Variants in RBM20 observed in about 807,000 individuals in gnomAD.
The protein encoded by RBM20 is RNA binding motif protein 20.
In RBM20, 51 loss-of-function variants were observed where a neutral mutation model predicts 110.1. The ratio of observed to expected loss-of-function variants is 0.46; its 90% CI spans 0.37 to 0.59. RBM20 has a LOEUF of 0.59. Ranked by LOEUF, RBM20 falls within the 20% of genes least tolerant of loss-of-function variation. RBM20 has a pLI of 0.00. For missense variants in RBM20, 1,512 were observed against 1,574.9 expected, an observed-to-expected ratio of 0.96 and a Z score of 0.68; for synonymous variants, 589 against 618.2, an observed-to-expected ratio of 0.95 and a Z score of 0.70.
intron 1 of RBM20, among the ~76,000 whole-genome samples, chr10:110,744,683 C>A (rs779327710): frequency 6.6e-6 from 1 of 152,160 alleles, no homozygotes; most frequent in Non-Finnish European, 1.5e-5. Context: ...TGTGAAAGAG[C>A]CAGTCCCTAT....
rs141790272 is a variant in RBM20 at position 110,704,260 on chromosome 10, A to G, written c.191+59615A>G. ...TCCTTGCTGAATAGTATTCCAGGGTATATATGTACCACAGTTTGTTTAACC... is the reference window on the plus strand; with the variant it reads ...TCCTTGCTGAATAGTATTCCAGGGTGTATATGTACCACAGTTTGTTTAACC... On this transcript the variant is annotated intron_variant, in intron 1 of 13. Coordinates refer to ENST00000369519, the MANE Select transcript of RBM20 (RefSeq NM_001134363.3). 1.8e-3 allele frequency among the ~76,000 whole-genome samples: 269 copies of G among 152,352 alleles called. 1 individual carries two copies. Among genetic ancestry groups the G allele is most frequent in the African/African-American group, 6.0e-3 (249 of 41,584 alleles).
rs989671499 is a variant in RBM20, at chr10:110,750,858, G to A, written c.192-29943G>A. Among the ~76,000 whole-genome samples, 7 of 152,310 alleles carry A rather than the reference G, an allele frequency of 4.6e-5. No individual in the cohort carries two copies. In the South Asian group the frequency reaches 1.0e-3, roughly 23 times the overall value. On this transcript the variant is annotated intron_variant, in intron 1 of 13. Coordinates refer to ENST00000369519, the MANE Select transcript of RBM20 (RefSeq NM_001134363.3). ...TGGTGGGGTGATGAAGGAAGGGTGC[G>A]ATGGGTCTCTAAGGAGGTACCAGTG...
intron 3 of RBM20, among the ~76,000 whole-genome samples, chr10:110,783,697 C>G (rs907709317): frequency 8.5e-5 from 13 of 152,214 alleles, no homozygotes; most frequent in Admixed American, 8.5e-4. Context: ...GCGTGTGCCT[C>G]CCTTTTCTGG....
chr10:110,659,620 G>A (rs970506689), intron 1 of RBM20, among the ~76,000 whole-genome samples: 1 of 152,142 alleles, frequency 6.6e-6, no homozygotes, highest in African/African-American at 2.4e-5. Context: ...AAACCTGCTT[G>A]CATCAATGCT....
At chr10:110,656,777 T>G (rs1301836902) in intron 1 of RBM20, among the ~76,000 whole-genome samples, 2 of 152,232 alleles carry the variant, frequency 1.3e-5, no homozygotes, top group Admixed American at 1.3e-4. Context: ...TCAAGGTTCA[T>G]CCATACTGTG....
At chr10:110,687,630 C>T (rs979116919) in intron 1 of RBM20, among the ~76,000 whole-genome samples, 4 of 152,178 alleles carry the variant, frequency 2.6e-5, no homozygotes, top group Non-Finnish European at 4.4e-5. Flanking sequence ...CGTGATTTTG[C>T]GTAACAAACC....
intron 1 of RBM20, among the ~76,000 whole-genome samples, chr10:110,735,953 T>A (rs7913293): frequency 0.15 from 22,152 of 152,076 alleles, 2,144 homozygotes; most frequent in East Asian, 0.27. Flanking sequence ...GCTTTGAAGA[T>A]ATGGTATCTC....
At chr10:110,751,268 C>G (rs1843850105) in intron 1 of RBM20, among the ~76,000 whole-genome samples, 1 of 152,198 alleles carries the variant, frequency 6.6e-6, no homozygotes, top group Non-Finnish European at 1.5e-5. Context: ...AAGGCCTTCT[C>G]TAAGGGCCCC....
intron 1 of RBM20, among the ~76,000 whole-genome samples, chr10:110,767,122 C>G (rs1253739275): frequency 3.4e-5 from 4 of 117,568 alleles, no homozygotes; most frequent in Admixed American, 8.1e-5. Flanking sequence ...GCTGACCCCC[C>G]CCACCTCCCT....
chr10:110,669,472 A>G (rs1239324903), intron 1 of RBM20, among the ~76,000 whole-genome samples: 3 of 152,244 alleles, frequency 2.0e-5, no homozygotes, highest in African/African-American at 7.2e-5. Context: ...CTCCCATTCA[A>G]AAACCACTTA....
chr10:110,688,710 TG>T (rs1256982614), intron 1 of RBM20, among the ~76,000 whole-genome samples: 1 of 152,196 alleles, frequency 6.6e-6, no homozygotes, highest in African/African-American at 2.4e-5. Context: ...CTTCCCCTAA[TG>T]TCAATACCTT....
At chr10:110,740,623 G>A (rs77677243) in intron 1 of RBM20, among the ~76,000 whole-genome samples, 2,130 of 152,234 alleles carry the variant, frequency 0.014, 53 homozygotes, top group African/African-American at 0.049. Context: ...TGGTAGGGGT[G>A]GGGAAAGCAA....
At chr10:110,719,464 C>G (rs1441671718) in intron 1 of RBM20, among the ~76,000 whole-genome samples, 1 of 152,162 alleles carries the variant, frequency 6.6e-6, no homozygotes, top group Admixed American at 6.5e-5. Context: ...GTCTCACTGC[C>G]ATGCTATTGA....
chr10:110,803,893 G>A (rs1844663172), intron 7 of RBM20, among the ~76,000 whole-genome samples: 1 of 150,440 alleles, frequency 6.6e-6, no homozygotes, highest in Admixed American at 6.6e-5. Flanking sequence ...GGCTGCAGGT[G>A]CGGCTGGATT....
At chr10:110,674,506 G>A (rs1165359617) in intron 1 of RBM20, among the ~76,000 whole-genome samples, 1 of 152,184 alleles carries the variant, frequency 6.6e-6, no homozygotes, top group African/African-American at 2.4e-5. Context: ...TACATAACCT[G>A]TAGCTGCACA....
intron 1 of RBM20, among the ~76,000 whole-genome samples, chr10:110,711,373 G>A (rs1209778838): frequency 1.3e-5 from 2 of 151,218 alleles, no homozygotes; most frequent in Non-Finnish European, 2.9e-5. Flanking sequence ...CAGGAGAGGG[G>A]AGGTGTGGGA....
intron 1 of RBM20, among the ~76,000 whole-genome samples, chr10:110,656,499 A>G (rs1450066507): frequency 6.6e-6 from 1 of 151,846 alleles, no homozygotes; most frequent in East Asian, 1.9e-4. Context: ...TTCTTTCACT[A>G]TTTTAAAGTG....
At chr10:110,768,248 A>T (rs1844137203) in intron 1 of RBM20, among the ~76,000 whole-genome samples, 1 of 47,298 alleles carries the variant, frequency 2.1e-5, no homozygotes, top group Non-Finnish European at 4.8e-5. Flanking sequence ...AGGGAGGGAA[A>T]GGGAGAGGGA....
intron 1 of RBM20, among the ~76,000 whole-genome samples, chr10:110,703,543 A>G (rs1483972410): frequency 6.6e-6 from 1 of 152,182 alleles, no homozygotes; most frequent in East Asian, 1.9e-4. Context: ...GGATATTAAC[A>G]TTGTTACAAT....
Sources: allele counts gnomAD v4.1 joint callset (sites outside exome capture counted in the v4.1 genomes callset), GRCh38; gene constraint gnomAD v4.1.1; transcripts MANE v1.5; gene names NCBI Gene and HGNC (gene_info 2026-07-23, HGNC 2026-07-21).